CSMD1: variants seen among roughly 807,000 people sequenced by gnomAD.
CSMD1 encodes CUB and Sushi multiple domains 1.
CSMD1 carries 213 observed loss-of-function variants against 417.5 expected under a neutral mutation model. The ratio of observed to expected loss-of-function variants is 0.51; its 90% CI spans 0.46 to 0.57. CSMD1 has a LOEUF of 0.57. Ranked by LOEUF, CSMD1 falls within the 20% of genes least tolerant of loss-of-function variation. CSMD1 has a pLI of 0.00. For synonymous variants in CSMD1, 2,862 were observed against 1,736.8 expected, an observed-to-expected ratio of 1.65 and a Z score of -16.11; for missense variants, 6,923 against 4,529.7, an observed-to-expected ratio of 1.53 and a Z score of -15.17.
chr8:3,580,358 T>G (rs928856083), intron 9 of CSMD1, among the ~76,000 whole-genome samples: 2 of 152,066 alleles, frequency 1.3e-5, no homozygotes, highest in Non-Finnish European at 2.9e-5. Context: ...CAGATGGCAT[T>G]TGACGAACGG....
At chr8:3,380,723 C>G (rs1285993612) in intron 18 of CSMD1, among the ~76,000 whole-genome samples, 1 of 152,076 alleles carries the variant, frequency 6.6e-6, no homozygotes, top group Non-Finnish European at 1.5e-5. Flanking sequence ...GGAAACATCA[C>G]ACACTGGGTC....
intron 5 of CSMD1, among the ~76,000 whole-genome samples, chr8:3,802,849 C>T (rs146779734): frequency 6.2e-4 from 95 of 152,154 alleles, no homozygotes; most frequent in African/African-American, 1.8e-3. Flanking sequence ...TTTAAGCATC[C>T]GCACTGGCCC....
chr8:3,719,062 C>T (rs1279674356), intron 6 of CSMD1, among the ~76,000 whole-genome samples: 1 of 152,138 alleles, frequency 6.6e-6, no homozygotes, highest in South Asian at 2.1e-4. Context: ...GTAGAAAACC[C>T]TCCTGAGGTG....
At chr8:4,049,897 G>C (rs964071209) in intron 3 of CSMD1, among the ~76,000 whole-genome samples, 1 of 100,870 alleles carries the variant, frequency 9.9e-6, no homozygotes, top group Admixed American at 1.2e-4. Flanking sequence ...AGTAACGTTC[G>C]CTTTCTGTTT....
At chr8:3,691,652 C>T (rs143133648) in intron 7 of CSMD1, among the ~76,000 whole-genome samples, 107 of 152,208 alleles carry the variant, frequency 7.0e-4, no homozygotes, top group African/African-American at 2.4e-3. Context: ...AGTACCCTTT[C>T]GTGGCAGGCA....
chr8:4,132,060 A>G (rs895458789), intron 3 of CSMD1, among the ~76,000 whole-genome samples: 2 of 152,192 alleles, frequency 1.3e-5, no homozygotes, highest in African/African-American at 4.8e-5. Context: ...AGGTAAAAGC[A>G]AAGCATTATA....
intron 3 of CSMD1, among the ~76,000 whole-genome samples, chr8:4,066,906 T>C (rs537352998): frequency 6.6e-6 from 1 of 152,362 alleles, no homozygotes; most frequent in African/African-American, 2.4e-5. Flanking sequence ...TATAACATTA[T>C]GCTTTAAGTA....
intron 51 of CSMD1, among the ~76,000 whole-genome samples, chr8:3,024,863 T>C (rs993948105): frequency 1.3e-5 from 2 of 151,092 alleles, no homozygotes; most frequent in Admixed American, 1.3e-4. Context: ...TGAAAATCCA[T>C]GTTGGAGGGA....
intron 26 of CSMD1, among the ~76,000 whole-genome samples, chr8:3,251,593 C>T (rs1463317671): frequency 2.0e-5 from 3 of 152,092 alleles, no homozygotes; most frequent in Non-Finnish European, 4.4e-5. Context: ...TTTTCCAATT[C>T]TGTGAAGAAA....
rs537057365 is a variant in CSMD1 at position 4,153,304 on chromosome 8, G to A, written c.416-121205C>T. Among the ~76,000 whole-genome samples the A allele has an allele frequency of 5.4e-4, 82 of 152,266 alleles. No homozygotes were observed. In the Middle Eastern group the frequency reaches 0.01, roughly 19 times the overall value. On this transcript the variant is annotated intron_variant, in intron 3 of 69. Transcript: ENST00000635120. ...CAAGTTTGACTCAGTTCATCTCCGGGCTCTTCTCACTTCCGACATTGCCCC... is the reference window on the plus strand; with the variant it reads ...CAAGTTTGACTCAGTTCATCTCCGGACTCTTCTCACTTCCGACATTGCCCC...
chr8:3,694,486 C>A (rs919474335), intron 7 of CSMD1, among the ~76,000 whole-genome samples: 1 of 152,142 alleles, frequency 6.6e-6, no homozygotes, highest in African/African-American at 2.4e-5. Flanking sequence ...AAAACACCAT[C>A]TGGGAAAGCA....
intron 3 of CSMD1, among the ~76,000 whole-genome samples, chr8:4,302,878 T>C (rs1798052943): frequency 6.6e-6 from 1 of 152,104 alleles, no homozygotes; most frequent in Non-Finnish European, 1.5e-5. Context: ...GTTTAAATGT[T>C]GGCCTCCATG....
intron 1 of CSMD1, among the ~76,000 whole-genome samples, chr8:4,818,232 T>C (rs183423346): frequency 2.0e-5 from 3 of 152,170 alleles, no homozygotes; most frequent in African/African-American, 7.2e-5. Flanking sequence ...TGTATAGCAA[T>C]AGAAAAATCA....
At chr8:4,022,693 G>C (rs777724911) in intron 4 of CSMD1, among the ~76,000 whole-genome samples, 3 of 152,174 alleles carry the variant, frequency 2.0e-5, no homozygotes, top group Non-Finnish European at 2.9e-5. Context: ...ATGAAGGCAA[G>C]TGGGATATTG....
chr8:4,108,428 G>C (rs549691181), intron 3 of CSMD1, among the ~76,000 whole-genome samples: 1 of 152,306 alleles, frequency 6.6e-6, no homozygotes, highest in East Asian at 1.9e-4. Flanking sequence ...TGACTGCCAT[G>C]TTGTTCATCA....
intron 3 of CSMD1, among the ~76,000 whole-genome samples, chr8:4,323,176 T>G (rs1253245330): frequency 2.6e-5 from 4 of 152,196 alleles, no homozygotes; most frequent in Non-Finnish European, 5.9e-5. Flanking sequence ...GGTTATACAA[T>G]TCTAATTTCC....
chr8:4,557,917 A>G (rs1248771253), intron 2 of CSMD1, among the ~76,000 whole-genome samples: 2 of 152,128 alleles, frequency 1.3e-5, no homozygotes, highest in African/African-American at 2.4e-5. Context: ...TTAGTTTTTC[A>G]TCATATCTTA....
At chr8:4,307,937 T>A (rs1180209389) in intron 3 of CSMD1, among the ~76,000 whole-genome samples, 1 of 151,870 alleles carries the variant, frequency 6.6e-6, no homozygotes, top group Non-Finnish European at 1.5e-5. Flanking sequence ...GATGCAAGGG[T>A]CTTCGGTGTA....
chr8:3,656,452 A>G (rs1798113098), intron 7 of CSMD1, among the ~76,000 whole-genome samples: 1 of 152,014 alleles, frequency 6.6e-6, no homozygotes, highest in South Asian at 2.1e-4. Flanking sequence ...GAGTGAAAAG[A>G]TGGTGTTTGG....
Sources: gnomAD v4.1 joint callset for allele counts (sites outside exome capture counted in the v4.1 genomes callset) on GRCh38, gnomAD v4.1.1 for gene constraint, MANE v1.5 for transcripts, NCBI Gene and HGNC (gene_info 2026-07-23, HGNC 2026-07-21) for gene names.